The following MRAP2 variants were observed in gnomAD, a reference collection of about 807,000 sequenced individuals.
MRAP2 encodes the protein melanocortin-2 receptor accessory protein 2.
Under a neutral mutation model 17.4 loss-of-function variants are expected in MRAP2, and 20 were observed. That is an observed-to-expected ratio of 1.15 (90% CI 0.81 to 1.67). MRAP2 has a LOEUF of 1.67. MRAP2 is among the 40% of genes most tolerant of loss of function. The probability of loss-of-function intolerance (pLI) is 0.00; values close to 1 mark genes in which losing one functional copy is unlikely to be tolerated. For missense variants in MRAP2, 238 were observed against 240.0 expected, an observed-to-expected ratio of 0.99 and a Z score of 0.05; for synonymous variants, 96 against 88.4, an observed-to-expected ratio of 1.09 and a Z score of -0.48.
chr6:84,088,933 C>G (rs1429485918), intron 3 of MRAP2, among the ~76,000 whole-genome samples, 158 bp from the exon 4 acceptor site: 2 of 152,136 alleles, frequency 1.3e-5, no homozygotes, highest in Non-Finnish European at 2.9e-5. Flanking sequence ...GAAGGGATTT[C>G]TCTTATTTCT....
At chr6:84,100,469 G>C in the MRAP2 span, among the ~76,000 whole-genome samples, 34,144 of 151,924 alleles carry the variant, frequency 0.22, 8,160 homozygotes, top group African/African-American at 0.61. Context: ...ATTTCGCCAT[G>C]TTGTCCAGGC....
intron 3 of MRAP2, among the ~76,000 whole-genome samples, chr6:84,064,632 C>A (rs551897538): frequency 6.6e-6 from 1 of 152,146 alleles, no homozygotes; most frequent in East Asian, 1.9e-4. Context: ...GGACTACAGG[C>A]ACCCACCACC....
At chr6:84,061,827 T>C in intron 2 of MRAP2, 3 of 985,462 alleles carry the variant, frequency 3.0e-6, no homozygotes, top group Non-Finnish European at 3.6e-6. Flanking sequence ...TTTTCTCAGA[T>C]GTCAGACATT....
At chr6:84,059,536 G>A (rs1225252352) in intron 2 of MRAP2, among the ~76,000 whole-genome samples, 1 of 152,202 alleles carries the variant, frequency 6.6e-6, no homozygotes, top group African/African-American at 2.4e-5. Context: ...GGGTGAGTCG[G>A]ATGGAGTAGT....
At chr6:84,045,688 A>T (rs1189133509) in intron 1 of MRAP2, among the ~76,000 whole-genome samples, 1 of 151,618 alleles carries the variant, frequency 6.6e-6, no homozygotes, top group African/African-American at 2.4e-5. Context: ...GCTTGAACCC[A>T]GGAGGCAGAG....
At chr6:84,085,554 G>T (rs977488817) in intron 3 of MRAP2, among the ~76,000 whole-genome samples, 1 of 152,168 alleles carries the variant, frequency 6.6e-6, no homozygotes, top group Non-Finnish European at 1.5e-5. Flanking sequence ...CACTTAGGAT[G>T]TTTATTTTTG....
the MRAP2 span, among the ~76,000 whole-genome samples, chr6:84,109,497 G>A: frequency 1.3e-5 from 2 of 152,074 alleles, no homozygotes; most frequent in African/African-American, 4.8e-5. Flanking sequence ...ATATAGGAAG[G>A]ATAGCAATTT....
chr6:84,138,945 A>G, the MRAP2 span, among the ~76,000 whole-genome samples: 1 of 152,210 alleles, frequency 6.6e-6, no homozygotes, highest in African/African-American at 2.4e-5. Flanking sequence ...GCGTAATTGT[A>G]GAGTGTTTTT....
chr6:84,078,618 C>T (rs2099498214), intron 3 of MRAP2, among the ~76,000 whole-genome samples: 1 of 152,116 alleles, frequency 6.6e-6, no homozygotes. Context: ...AGGGGTGGAT[C>T]CCTTGTGAAT....
chr6:84,118,263 C>G, the MRAP2 span, among the ~76,000 whole-genome samples: 8 of 151,776 alleles, frequency 5.3e-5, no homozygotes, highest in African/African-American at 1.9e-4. Context: ...GCATTCTGGC[C>G]GTGCCCACAA....
intron 1 of MRAP2, among the ~76,000 whole-genome samples, chr6:84,038,025 C>G (rs1314248749): frequency 3.3e-5 from 5 of 152,184 alleles, no homozygotes. Flanking sequence ...TTGAGCTGTC[C>G]ATGTGCTTCT....
chr6:84,140,973 C>CATTAG, the MRAP2 span, among the ~76,000 whole-genome samples: 1 of 152,152 alleles, frequency 6.6e-6, no homozygotes, highest in Admixed American at 6.5e-5. Context: ...TCACATTTAT[C>CATTAG]ATTAGATTCT....
the MRAP2 span, among the ~76,000 whole-genome samples, chr6:84,103,386 G>A: frequency 6.6e-6 from 1 of 152,142 alleles, no homozygotes; most frequent in African/African-American, 2.4e-5. Flanking sequence ...TGTGAGGCTG[G>A]ACTGCTGTGA....
the MRAP2 span, among the ~76,000 whole-genome samples, chr6:84,100,798 A>C: frequency 6.6e-6 from 1 of 152,078 alleles, no homozygotes; most frequent in African/African-American, 2.4e-5. Flanking sequence ...TAAACCTTTC[A>C]AGATCAGGAA....
Position 84,055,394 on chromosome 6 carries a change from G to C in MRAP2, c.76G>C (p.Glu26Gln). ...TAATTCTGATTACACCTGGGAATAT[G>C]AATATTATGAGATTGGACCAGTTTC... ...ASNSDYTWEY[E>Q]YYEIGPVSFE... The change falls in exon 2 of 4, where the codon GAA (glutamate) becomes CAA (glutamine). Residue 26 changes from glutamate to glutamine, a missense_variant. By Grantham distance (29) the Glu-to-Gln change is conservative. Transcript: ENST00000257776. 1 of 1,613,452 alleles carries C rather than the reference G, an allele frequency of 6.2e-7. No individual in the cohort carries two copies. The highest frequency in any genetic ancestry group is 8.5e-7 in the Non-Finnish European group (1 of 1,179,782).
At chr6:84,126,748 G>A in the MRAP2 span, among the ~76,000 whole-genome samples, 1 of 152,114 alleles carries the variant, frequency 6.6e-6, no homozygotes, top group Non-Finnish European at 1.5e-5. Context: ...TACCTCCCAA[G>A]TATGGCAGTC....
the MRAP2 span, among the ~76,000 whole-genome samples, chr6:84,099,208 A>G: frequency 7.0e-6 from 1 of 142,166 alleles, no homozygotes; most frequent in Admixed American, 7.2e-5. Flanking sequence ...GCTTATGGAT[A>G]TCTAATCGTT....
At chr6:84,083,177 A>G (rs563380754) in intron 3 of MRAP2, among the ~76,000 whole-genome samples, 2 of 152,320 alleles carry the variant, frequency 1.3e-5, no homozygotes, top group East Asian at 3.9e-4. Flanking sequence ...CCCTCTACAC[A>G]AAAGTAAAAT....
chr6:84,068,653 G>T (rs535485400), intron 3 of MRAP2, among the ~76,000 whole-genome samples: 1 of 151,250 alleles, frequency 6.6e-6, no homozygotes, highest in African/African-American at 2.4e-5. Context: ...GTTTTTTTGT[G>T]TGTGTTTTTT....
Sources: gnomAD v4.1 joint callset for allele counts (sites outside exome capture counted in the v4.1 genomes callset) on GRCh38, gnomAD v4.1.1 for gene constraint, MANE v1.5 for transcripts, NCBI Gene and HGNC (gene_info 2026-07-23, HGNC 2026-07-21) for gene names.